Variants in ME1 observed in about 807,000 individuals in gnomAD.
The protein encoded by ME1 is malic enzyme 1.
In ME1, 74 loss-of-function variants were observed where a neutral mutation model predicts 66.4. That is an observed-to-expected ratio of 1.11 (90% CI 0.92 to 1.35). ME1 has a LOEUF of 1.35. Ranked by LOEUF, ME1 falls within the 40% of genes most tolerant of loss-of-function variation. The pLI, the probability that ME1 is intolerant of heterozygous loss-of-function variation, is 0.00. For synonymous variants in ME1, 251 were observed against 235.6 expected (o/e 1.07, Z -0.60); for missense variants, 750 against 694.1 (o/e 1.08, Z -0.90).
intron 6 of ME1, among the ~76,000 whole-genome samples, chr6:83,258,027 C>G (rs6939265): frequency 6.6e-6 from 1 of 151,928 alleles, no homozygotes; most frequent in African/African-American, 2.4e-5. Context: ...CTTGGTTCTG[C>G]GGTTTTGCGC....
chr6:83,270,244 C>T (rs1057223544), intron 6 of ME1, among the ~76,000 whole-genome samples: 1 of 152,040 alleles, frequency 6.6e-6, no homozygotes, highest in Non-Finnish European at 1.5e-5. Flanking sequence ...TCTTATCAGA[C>T]CATATCTGCT....
rs535136247 is a variant in ME1 at position 83,266,124 on chromosome 6, A to G, written c.705-12386T>C. Among the ~76,000 whole-genome samples the G allele has an allele frequency of 2.6e-5, 4 of 152,326 alleles. No individual in the cohort carries two copies. In the South Asian group the frequency reaches 8.3e-4, roughly 32 times the overall value. ...AGTTATCATTGTACAGCGTTCCAGA[A>G]TACTACTTAGAAAAAGATAACAATC... On this transcript the variant is annotated intron_variant, in intron 6 of 13. Coordinates refer to ENST00000369705, the MANE Select transcript of ME1 (RefSeq NM_002395.6).
chr6:83,401,275 C>T (rs1232553192), intron 2 of ME1, among the ~76,000 whole-genome samples: 2 of 152,150 alleles, frequency 1.3e-5, no homozygotes, highest in African/African-American at 2.4e-5. Flanking sequence ...GTTGAGACTA[C>T]AGTGAGCTAT....
At chr6:83,421,130 T>C (rs895000102) in intron 1 of ME1, among the ~76,000 whole-genome samples, 6 of 151,842 alleles carry the variant, frequency 4.0e-5, no homozygotes, top group African/African-American at 1.4e-4. Context: ...TATGTAGATA[T>C]CAAAAAGGCA....
intron 13 of ME1, among the ~76,000 whole-genome samples, chr6:83,213,410 G>A (rs776061497): frequency 4.0e-5 from 6 of 151,340 alleles, no homozygotes; most frequent in East Asian, 2.0e-4. Context: ...GGCAACAAGA[G>A]CAAAACTCCA....
At chr6:83,224,684 A>G (rs1790153396) in intron 11 of ME1, among the ~76,000 whole-genome samples, 1 of 47,300 alleles carries the variant, frequency 2.1e-5, no homozygotes, top group Non-Finnish European at 3.9e-5. Flanking sequence ...ATTCCAGCTC[A>G]AAAAAAAAAA....
intron 9 of ME1, among the ~76,000 whole-genome samples, chr6:83,237,287 G>GAAAGAAAGA (rs1790428064): frequency 2.2e-5 from 1 of 45,866 alleles, no homozygotes; most frequent in African/African-American, 9.1e-5. Flanking sequence ...AAGGAAGGAA[G>GAAAGAAAGA]GAAGGAAAGA....
Position 83,216,541 on chromosome 6 carries a change from G to T in ME1, c.1505C>A (p.Pro502His), listed in dbSNP as rs375254909. ...KHLEEGRLYP[P>H]LNTIRDVSLK... ...AGAAACATCTCTAATGGTATTCAAA[G>T]GAGGATAAAGCCGACCCTCTTCCAA... The change falls in exon 13 of 14, where the codon CCT becomes CAT. Residue 502 changes from proline to histidine, a missense_variant. By Grantham distance (77) the Pro-to-His change is moderately conservative (BLOSUM62 -2). Coordinates refer to ENST00000369705, the MANE Select transcript of ME1 (RefSeq NM_002395.6). 11 of 1,611,586 alleles carry T rather than the reference G, an allele frequency of 6.8e-6. No homozygotes were observed. The African/African-American group carries it at 1.5e-4, about 22-fold the overall frequency.
In ME1 at chr6:83,430,857, A is replaced by G. The variant is rs778316315; in HGVS notation, c.78+20T>C. On this transcript the variant is annotated intron_variant, in intron 1 of 13. Transcript: ENST00000369705. ...GATAGAGAGGGGCCGATGGGCGGCCAGGTGGGCCTGCGGGTTTACCTTGTT... is the reference window on the plus strand; with the variant it reads ...GATAGAGAGGGGCCGATGGGCGGCCGGGTGGGCCTGCGGGTTTACCTTGTT... 1 of 1,588,412 alleles carries G rather than the reference A, an allele frequency of 6.3e-7. No individual in the cohort carries two copies. Among genetic ancestry groups the G allele is most frequent in the South Asian group, 1.1e-5 (1 of 87,994 alleles).
chr6:83,376,719 C>T (rs1191591286), intron 3 of ME1, among the ~76,000 whole-genome samples: 2 of 148,840 alleles, frequency 1.3e-5, no homozygotes, highest in East Asian at 4.0e-4. Flanking sequence ...AGGAGAATCA[C>T]CTGAACATGG....
At chr6:83,321,532 T>C (rs1170339) in intron 5 of ME1, among the ~76,000 whole-genome samples, 48,535 of 151,818 alleles carry the variant, frequency 0.32, 8,139 homozygotes, top group Middle Eastern at 0.49. Flanking sequence ...ATAAAGCCAC[T>C]GGGAAGTTTG....
At chr6:83,323,181 G>A (rs1219143017) in intron 5 of ME1, among the ~76,000 whole-genome samples, 1 of 151,974 alleles carries the variant, frequency 6.6e-6, no homozygotes, top group Non-Finnish European at 1.5e-5. Flanking sequence ...GGAAAAACCG[G>A]GACAGGCACT....
At chr6:83,299,827 T>C in intron 6 of ME1, among the ~76,000 whole-genome samples, 1 of 152,224 alleles carries the variant, frequency 6.6e-6, no homozygotes, top group East Asian at 1.9e-4. Flanking sequence ...TCAAATCTTA[T>C]CGAAGGCCTG....
At chr6:83,343,559 A>T (rs1768629902) in intron 5 of ME1, among the ~76,000 whole-genome samples, 1 of 152,232 alleles carries the variant, frequency 6.6e-6, no homozygotes, top group African/African-American at 2.4e-5. Flanking sequence ...TTAGATAATC[A>T]GATTATTTTC....
At chr6:83,233,566 G>A (rs951924422) in intron 9 of ME1, among the ~76,000 whole-genome samples, 8 of 151,966 alleles carry the variant, frequency 5.3e-5, no homozygotes, top group African/African-American at 4.8e-5. Context: ...ATTATCTAGC[G>A]TGATGATGAT....
At chr6:83,359,735 T>C (rs1768971767) in intron 3 of ME1, among the ~76,000 whole-genome samples, 1 of 152,174 alleles carries the variant, frequency 6.6e-6, no homozygotes, top group African/African-American at 2.4e-5. Flanking sequence ...CCAGAAGATA[T>C]ACCCTTGACC....
intron 5 of ME1, among the ~76,000 whole-genome samples, chr6:83,344,187 G>T (rs1014216601): frequency 6.6e-6 from 1 of 150,950 alleles, no homozygotes; most frequent in African/African-American, 2.4e-5. Flanking sequence ...TCGAAAGGCT[G>T]AGGCAGGAGG....
chr6:83,407,820 G>A lies in ME1; in HGVS notation c.160C>T (p.Gln54Ter). ...AAATTTTTTACTACTCTAAGAACCT[G>A]GATCTCCTGACTGTTGAAGGAAGGT... ...LPPSFNSQEI[Q>*]VLRVVKNFEH... The change falls in exon 2 of 14, where the codon CAG becomes TAG. Residue 54 changes from glutamine (Q) to a stop codon, truncating the protein, a stop_gained. Transcript: ENST00000369705. LOFTEE classifies it high-confidence loss of function. The A allele has an allele frequency of 1.2e-6, 2 of 1,612,866 alleles. No homozygotes were observed. The highest frequency in any genetic ancestry group is 1.7e-6 in the Non-Finnish European group (2 of 1,179,676).
At chr6:83,418,070 C>T (rs1770195551) in intron 1 of ME1, among the ~76,000 whole-genome samples, 1 of 152,164 alleles carries the variant, frequency 6.6e-6, no homozygotes, top group African/African-American at 2.4e-5. Flanking sequence ...CCCAGAAACA[C>T]CACAAGATGG....
Sources: allele counts gnomAD v4.1 joint callset (sites outside exome capture counted in the v4.1 genomes callset), GRCh38; gene constraint gnomAD v4.1.1; transcripts MANE v1.5; gene names NCBI Gene and HGNC (gene_info 2026-07-23, HGNC 2026-07-21).